TAF3: variants seen among roughly 807,000 people sequenced by gnomAD.
The protein encoded by TAF3 is TATA-box binding protein associated factor 3, also known as transcription initiation factor TFIID subunit 3.
TAF3 carries 7 observed loss-of-function variants against 80.6 expected under a neutral mutation model. The observed-to-expected ratio is 0.09, with a 90% CI of 0.05 to 0.16. The LOEUF is 0.16. Among genes scored for constraint, TAF3 ranks in the 10% least tolerant of loss-of-function variants. The pLI, the probability that TAF3 is intolerant of heterozygous loss-of-function variation, is 1.00. For synonymous variants in TAF3, 444 were observed against 446.1 expected (o/e 1.00, Z 0.06); for missense variants, 921 against 1,140.2 (o/e 0.81, Z 2.77).
chr10:7,826,993 A>G (rs1376383247), intron 2 of TAF3, among the ~76,000 whole-genome samples: 1 of 152,184 alleles, frequency 6.6e-6, no homozygotes, highest in Non-Finnish European at 1.5e-5. Flanking sequence ...AGAGCCACAG[A>G]CAGGCCAGAC....
chr10:7,954,718 G>A (rs1310801400), intron 2 of TAF3, among the ~76,000 whole-genome samples: 1 of 140,012 alleles, frequency 7.1e-6, no homozygotes, highest in Non-Finnish European at 1.6e-5. Flanking sequence ...GATTCAGAGT[G>A]CACTCCATAG....
At chr10:7,937,894 G>A (rs1588558703) in intron 2 of TAF3, among the ~76,000 whole-genome samples, 1 of 152,262 alleles carries the variant, frequency 6.6e-6, no homozygotes, top group Admixed American at 6.5e-5. Context: ...GGTACGCAAG[G>A]TTGCATAATT....
intron 2 of TAF3, among the ~76,000 whole-genome samples, chr10:7,917,875 A>C (rs1837726270): frequency 6.6e-6 from 1 of 152,216 alleles, no homozygotes. Context: ...TGACAAGAGC[A>C]ATTTGAGTGT....
At chr10:7,926,452 T>C (rs1837816292) in intron 2 of TAF3, among the ~76,000 whole-genome samples, 1 of 152,178 alleles carries the variant, frequency 6.6e-6, no homozygotes, top group Non-Finnish European at 1.5e-5. Context: ...TATTACCAGG[T>C]CCATATAGTA....
intron 2 of TAF3, among the ~76,000 whole-genome samples, chr10:7,939,955 A>G (rs1837961832): frequency 6.6e-6 from 1 of 152,220 alleles, no homozygotes; most frequent in South Asian, 2.1e-4. Flanking sequence ...GTATAAATCT[A>G]TATTACAAGA....
chr10:7,849,813 G>A (rs1837009797), intron 2 of TAF3, among the ~76,000 whole-genome samples: 1 of 151,924 alleles, frequency 6.6e-6, no homozygotes, highest in South Asian at 2.1e-4. Flanking sequence ...CCAAGTAGCT[G>A]GGACCACAGG....
intron 2 of TAF3, among the ~76,000 whole-genome samples, chr10:7,846,059 C>T (rs1220663041): frequency 2.0e-5 from 3 of 150,580 alleles, no homozygotes; most frequent in Non-Finnish European, 3.0e-5. Flanking sequence ...CCTGGGTTCA[C>T]GCCAGTCTCC....
chr10:8,002,161 C>A (rs1831950748), intron 4 of TAF3, among the ~76,000 whole-genome samples: 1 of 152,072 alleles, frequency 6.6e-6, no homozygotes, highest in African/African-American at 2.4e-5. Flanking sequence ...TCTTTCCTGC[C>A]CCTGAAATTA....
intron 2 of TAF3, among the ~76,000 whole-genome samples, chr10:7,905,411 T>C (rs534962796): frequency 3.3e-5 from 5 of 152,216 alleles, no homozygotes; most frequent in Admixed American, 1.3e-4. Context: ...AAACCTTTGT[T>C]TTCATACACG....
At chr10:7,873,798 A>G (rs1054216949) in intron 2 of TAF3, among the ~76,000 whole-genome samples, 1 of 152,248 alleles carries the variant, frequency 6.6e-6, no homozygotes, top group African/African-American at 2.4e-5. Flanking sequence ...ATTAGAGAAA[A>G]GAACTTAATG....
intron 2 of TAF3, among the ~76,000 whole-genome samples, chr10:7,849,135 T>C (rs1206579538): frequency 2.0e-5 from 3 of 152,204 alleles, no homozygotes; most frequent in Non-Finnish European, 4.4e-5. Context: ...CATTAACTCA[T>C]TGAATCCTCA....
intron 2 of TAF3, among the ~76,000 whole-genome samples, chr10:7,945,481 A>G (rs1838015439): frequency 6.6e-6 from 1 of 152,078 alleles, no homozygotes; most frequent in Admixed American, 6.5e-5. Context: ...AGCTTTCTCT[A>G]CCTGCCTTCC....
At chr10:8,007,562 TTA>T (rs34833399) in intron 4 of TAF3, among the ~76,000 whole-genome samples, 1,895 of 60,166 alleles carry the variant, frequency 0.031, 35 homozygotes, top group African/African-American at 0.038. Flanking sequence ...GTGTGTGAAA[TTA>T]TATATATATA....
chr10:8,006,952 G>T (rs1258750941), intron 4 of TAF3, among the ~76,000 whole-genome samples: 2 of 152,166 alleles, frequency 1.3e-5, no homozygotes, highest in Non-Finnish European at 2.9e-5. Context: ...GAAAAACAAG[G>T]CCTAAAGAAT....
At chr10:7,836,589 T>G (rs953649158) in intron 2 of TAF3, among the ~76,000 whole-genome samples, 1 of 152,172 alleles carries the variant, frequency 6.6e-6, no homozygotes, top group Admixed American at 6.5e-5. Flanking sequence ...CCACATTTTC[T>G]TACCACGAAT....
chr10:7,893,097 G>C (rs1202523231), intron 2 of TAF3, among the ~76,000 whole-genome samples: 1 of 152,006 alleles, frequency 6.6e-6, no homozygotes, highest in African/African-American at 2.4e-5. Context: ...TGGGATTATA[G>C]GCGTGAGCCA....
At chr10:8,011,628 C>A (rs183796147) in intron 5 of TAF3, among the ~76,000 whole-genome samples, 5 of 152,282 alleles carry the variant, frequency 3.3e-5, no homozygotes, top group Admixed American at 3.3e-4. Context: ...AAAGTGTGAT[C>A]ATCAAATTGG....
At chr10:7,923,133 C>G (rs933259753) in intron 2 of TAF3, among the ~76,000 whole-genome samples, 2 of 151,998 alleles carry the variant, frequency 1.3e-5, no homozygotes, top group African/African-American at 4.8e-5. Context: ...ATGAGTATGA[C>G]AGAACTCTCC....
At chr10:7,998,251 A>T (rs987765036) in intron 4 of TAF3, among the ~76,000 whole-genome samples, 3 of 105,154 alleles carry the variant, frequency 2.9e-5, no homozygotes, top group African/African-American at 1.1e-4. Flanking sequence ...CTATATATAT[A>T]TATATATATA....
Sources: allele counts gnomAD v4.1 joint callset (sites outside exome capture counted in the v4.1 genomes callset), GRCh38; gene constraint gnomAD v4.1.1; transcripts MANE v1.5; gene names NCBI Gene and HGNC (gene_info 2026-07-23, HGNC 2026-07-21).